The following BRWD3 variants were observed in gnomAD, a reference collection of about 807,000 sequenced individuals.
The protein encoded by BRWD3 is bromodomain and WD repeat domain containing 3, also known as bromodomain and WD repeat-containing protein 3.
BRWD3 carries 10 observed loss-of-function variants against 149.7 expected under a neutral mutation model. That is an observed-to-expected ratio of 0.07 (90% CI 0.04 to 0.11). The LOEUF is 0.11. Ranked by LOEUF, BRWD3 falls within the 10% of genes least tolerant of loss-of-function variation. The probability of loss-of-function intolerance (pLI) is 1.00; values close to 1 mark genes in which losing one functional copy is unlikely to be tolerated. For synonymous variants in BRWD3, 504 were observed against 456.7 expected, an observed-to-expected ratio of 1.10 and a Z score of -1.32; for missense variants, 940 against 1,373.2, an observed-to-expected ratio of 0.68 and a Z score of 4.99.
intron 4 of BRWD3, among the ~76,000 whole-genome samples, chrX:80,798,077 A>G (rs1411238577): frequency 9.0e-6 from 1 of 111,391 alleles, no homozygotes; most frequent in African/African-American, 3.3e-5. Context: ...ACTAGGCGAC[A>G]GAGCGAGACT....
intron 20 of BRWD3, among the ~76,000 whole-genome samples, chrX:80,715,190 T>C (rs1481881174): frequency 1.9e-5 from 2 of 107,989 alleles, no homozygotes; most frequent in Non-Finnish European, 3.8e-5. Flanking sequence ...AAAATCAGTG[T>C]TCTGAGTCAT....
chrX:80,682,246 T>A (rs908139148), intron 38 of BRWD3, 152 bp from the exon 39 acceptor site: 8 of 610,293 alleles, frequency 1.3e-5, no homozygotes, highest in Non-Finnish European at 2.0e-5. Context: ...AATTTGACAG[T>A]GAAACTTCAA....
chrX:80,746,579 T>C (rs1232629778), intron 6 of BRWD3, among the ~76,000 whole-genome samples: 1 of 111,667 alleles, frequency 9.0e-6, no homozygotes, highest in Admixed American at 9.6e-5. Flanking sequence ...TCTTCCCTTA[T>C]ACACTAAAAG....
At chrX:80,790,294 A>G (rs1342524491) in intron 6 of BRWD3, among the ~76,000 whole-genome samples, 1 of 110,608 alleles carries the variant, frequency 9.0e-6, no homozygotes, top group East Asian at 2.8e-4. Flanking sequence ...GCTATAGAGA[A>G]CTATGACCCA....
intron 6 of BRWD3, among the ~76,000 whole-genome samples, chrX:80,787,688 C>T (rs2074125441): frequency 9.0e-6 from 1 of 111,164 alleles, no homozygotes; most frequent in East Asian, 2.8e-4. Flanking sequence ...AAGAGAAAAT[C>T]TCTGTGAGCA....
rs1245120028 is a variant in BRWD3 at position 80,723,838 on chromosome X, T to C, written c.1560A>G (p.Lys520=). The C allele has an allele frequency of 8.3e-7, 1 of 1,210,686 alleles. No individual in the cohort carries two copies. The highest frequency in any genetic ancestry group is 2.2e-5 in the Admixed American group (1 of 46,034). ...GQGHGAVFDC[K]FSPDGNHFAC... Reference sequence around the variant, plus strand: ...CAAAATGGTTTCCATCTGGTGAAAATTTACAATCAAACACCGCACCATGGC... The same window carrying C: ...CAAAATGGTTTCCATCTGGTGAAAACTTACAATCAAACACCGCACCATGGC... Residue 520 remains lysine, a synonymous_variant, in exon 16 of 41, where the codon AAA becomes AAG. Transcript: ENST00000373275.
intron 27 of BRWD3, among the ~76,000 whole-genome samples, chrX:80,693,938 T>G (rs1164467805): frequency 9.0e-6 from 1 of 111,728 alleles, no homozygotes; most frequent in African/African-American, 3.3e-5. Flanking sequence ...CATAAGTAAC[T>G]AGGAGCCAAA....
intron 4 of BRWD3, among the ~76,000 whole-genome samples, chrX:80,796,220 T>C (rs2074238471): frequency 9.2e-6 from 1 of 109,023 alleles, no homozygotes; most frequent in African/African-American, 3.4e-5. Context: ...AACCTCCGCC[T>C]CCTGGGTTCA....
intron 4 of BRWD3, among the ~76,000 whole-genome samples, chrX:80,796,199 T>C (rs1468825026): frequency 9.1e-6 from 1 of 109,602 alleles, no homozygotes; most frequent in East Asian, 2.9e-4. Flanking sequence ...GGTGCGATCT[T>C]GGCTCACTGC....
In BRWD3 at chrX:80,755,405, G is replaced by T. The variant is rs1267152110; in HGVS notation, c.431-9676C>A. ...CTCACAGAAAAGATACAACTATTTT[G>T]CCAGTTATCAAAGAAATTTAAATGA... On this transcript the variant is annotated intron_variant, in intron 6 of 40. Transcript: ENST00000373275. Among the ~76,000 whole-genome samples, 10 of 111,558 alleles carry T rather than the reference G, an allele frequency of 9.0e-5. No homozygotes were observed. In the East Asian group the frequency reaches 2.2e-3, roughly 25 times the overall value.
At chrX:80,677,997 G>A (rs761635985) in intron 40 of BRWD3, among the ~76,000 whole-genome samples, 2 of 111,080 alleles carry the variant, frequency 1.8e-5, no homozygotes, top group Admixed American at 1.9e-4. Flanking sequence ...TATAACCAGA[G>A]TGGAATAGAA....
In BRWD3 at chrX:80,676,559, T is replaced by C; in HGVS notation, c.*50A>G. The C allele has an allele frequency of 8.4e-7, 1 of 1,191,594 alleles. No individual in the cohort carries two copies. The highest frequency in any genetic ancestry group is 1.8e-5 in the South Asian group (1 of 55,515). ...TTTGTAGATTTCCTGGTAAATTCCC[T>C]GCAGTAGAAGGCCATTGAATTTTTT... On this transcript the variant is annotated 3_prime_UTR_variant, in exon 41 of 41. Coordinates refer to ENST00000373275, the MANE Select transcript of BRWD3 (RefSeq NM_153252.5).
chrX:80,695,633 G>A (rs945512899), intron 27 of BRWD3, among the ~76,000 whole-genome samples: 1 of 111,507 alleles, frequency 9.0e-6, no homozygotes, highest in Non-Finnish European at 1.9e-5. Context: ...TAAGTGTAAA[G>A]TGCTCTATTT....
At chrX:80,781,598 T>C (rs147925519) in intron 6 of BRWD3, among the ~76,000 whole-genome samples, 134 of 111,164 alleles carry the variant, frequency 1.2e-3, no homozygotes, top group Admixed American at 2.2e-3. Flanking sequence ...GGTCGTGCAG[T>C]TGAGATTTCC....
chrX:80,693,588 T>C (rs1435729603), intron 27 of BRWD3, among the ~76,000 whole-genome samples: 7 of 111,529 alleles, frequency 6.3e-5, no homozygotes, highest in African/African-American at 2.0e-4. Context: ...CAGGAACTTA[T>C]TGGGAACTAG....
chrX:80,707,148 T>A lies in BRWD3; in HGVS notation c.2552+279A>T, dbSNP rs758424678. Among the ~76,000 whole-genome samples, 26 of 112,267 alleles carry A rather than the reference T, an allele frequency of 2.3e-4. No homozygotes were observed. In the South Asian group the frequency reaches 3.7e-3, roughly 16 times the overall value. ...TAGTCATATGCACTCGATCATTGAC[T>A]GAAACATCATTATGCAGAGGGTGAA... On this transcript the variant is annotated intron_variant, in intron 22 of 40. Transcript: ENST00000373275.
chrX:80,765,341 T>C (rs1007704637), intron 6 of BRWD3, among the ~76,000 whole-genome samples: 1 of 111,799 alleles, frequency 8.9e-6, no homozygotes, highest in Non-Finnish European at 1.9e-5. Flanking sequence ...AAAGAGAATG[T>C]CTGAAATACA....
At chrX:80,681,931 C>A in intron 39 of BRWD3, 66 bp downstream of exon 39, 1 of 922,476 alleles carries the variant, frequency 1.1e-6, no homozygotes, top group Admixed American at 2.2e-5. Flanking sequence ...CATGCTGCCT[C>A]TTCTATATCC....
intron 4 of BRWD3, among the ~76,000 whole-genome samples, chrX:80,802,693 T>A (rs1161566464): frequency 2.7e-5 from 3 of 110,601 alleles, no homozygotes; most frequent in African/African-American, 9.9e-5. Flanking sequence ...CATTTTATAA[T>A]TGAGGAAAGT....
Sources: allele counts gnomAD v4.1 joint callset (sites outside exome capture counted in the v4.1 genomes callset), GRCh38; gene constraint gnomAD v4.1.1; transcripts MANE v1.5; gene names NCBI Gene and HGNC (gene_info 2026-07-23, HGNC 2026-07-21).